The following CC2D1B variants were observed in gnomAD, a reference collection of about 807,000 sequenced individuals.
The protein encoded by CC2D1B is coiled-coil and C2 domain containing 1B, also known as coiled-coil and C2 domain-containing protein 1B.
CC2D1B carries 92 observed loss-of-function variants against 110.8 expected under a neutral mutation model. That is an observed-to-expected ratio of 0.83 (90% CI 0.70 to 0.99). CC2D1B has a LOEUF of 0.99. Among genes scored for constraint, CC2D1B ranks in the 50% least tolerant of loss-of-function variants. The pLI is 0.00. For synonymous variants in CC2D1B, 406 were observed against 429.2 expected, an observed-to-expected ratio of 0.95 and a Z score of 0.67; for missense variants, 1,136 against 1,089.0, an observed-to-expected ratio of 1.04 and a Z score of -0.61.
chr1:52,355,044 G>T, intron 21 of CC2D1B, 105 bp from the exon 22 acceptor site: 1 of 889,008 alleles, frequency 1.1e-6, no homozygotes, highest in Non-Finnish European at 1.8e-6. Context: ...CTCTCCACCT[G>T]CATTTTGGGG....
chr1:52,356,421 G>C lies in CC2D1B; in HGVS notation c.1900C>G (p.Gln634Glu). 6.2e-7 allele frequency: 1 copy of C among 1,614,244 alleles called. No homozygotes were observed. The highest frequency in any genetic ancestry group is 8.5e-7 in the Non-Finnish European group (1 of 1,180,048). ...QQEKCLLFSK[Q>E]FMHQGNVAET... ...GCCACGTTGCCCTGGTGCATGAACT[G>C]CTTGGAGAACAGCAGGCACTTCTGA... Residue 634 changes from glutamine (Q) to glutamate (E), a missense_variant, in exon 17 of 25, where the codon CAG becomes GAG. Coordinates refer to ENST00000284376, the MANE Select transcript of CC2D1B (RefSeq NM_001330585.2).
At chr1:52,360,666 C>T in intron 5 of CC2D1B, 117 bp from the exon 6 acceptor site, 1 of 1,442,592 alleles carries the variant, frequency 6.9e-7, no homozygotes, top group Non-Finnish European at 9.3e-7. Flanking sequence ...AAAGAAGAGC[C>T]TAAAAGCCTT....
chr1:52,357,137 C>T lies in CC2D1B; in HGVS notation c.1753-11G>A. 6.2e-7 allele frequency: 1 copy of T among 1,613,750 alleles called. No individual in the cohort carries two copies. Among genetic ancestry groups the T allele is most frequent in the Non-Finnish European group, 8.5e-7 (1 of 1,179,920 alleles). On this transcript the variant is annotated splice_polypyrimidine_tract_variant and intron_variant, in intron 15 of 24. Coordinates refer to ENST00000284376, the MANE Select transcript of CC2D1B (RefSeq NM_001330585.2). ...CAAGGGCGAAGGCACCTACCCAGGT[C>T]ACAAGGCCCCTCGGGCCCCAAGAGT...
At chr1:52,359,216 G>T (rs1195366384) in intron 10 of CC2D1B, 34 bp downstream of exon 10, 2 of 1,610,888 alleles carry the variant, frequency 1.2e-6, no homozygotes, top group Non-Finnish European at 1.7e-6. Flanking sequence ...ATGCCTGCAG[G>T]TCCCCACGCC....
chr1:52,354,962 G>A (rs749169417), intron 21 of CC2D1B, 23 bp from the exon 22 acceptor site: 22 of 1,584,136 alleles, frequency 1.4e-5, no homozygotes, highest in Admixed American at 1.7e-5. Context: ...GAGAAAGCAA[G>A]GAGGGGCTTG....
At chr1:52,358,273 G>A (rs967759045) in intron 13 of CC2D1B, 58 bp downstream of exon 13, 4 of 1,584,108 alleles carry the variant, frequency 2.5e-6, no homozygotes, top group African/African-American at 2.7e-5. Flanking sequence ...CAGGGTCTGG[G>A]TTTACCCCTC....
intron 3 of CC2D1B, 43 bp downstream of exon 3, chr1:52,362,559 C>T: frequency 6.2e-7 from 1 of 1,612,308 alleles, no homozygotes; most frequent in South Asian, 1.1e-5. Context: ...AGCCTGTGCC[C>T]ATCTTGTCCC....
intron 23 of CC2D1B, chr1:52,354,385 A>C (rs1160916110): frequency 1.4e-6 from 1 of 694,620 alleles, no homozygotes; most frequent in Non-Finnish European, 2.6e-6. Flanking sequence ...CATTGAGTTC[A>C]TGGAAACAAG....
In CC2D1B at chr1:52,358,351, C is replaced by A; in HGVS notation, c.1441G>T (p.Ala481Ser). Residue 481 changes from alanine to serine, a missense_variant, in exon 13 of 25, where the codon GCT (alanine) becomes TCT (serine). By Grantham distance (99) the Ala-to-Ser change is moderately conservative. Transcript: ENST00000284376. ...CAAACCTCGTCCTCGTCTTTATCAG[C>A]CGGGGCTGAATCCTCTGCAGAGGCC... ...KLASAEDSAPADKDEDEGEPP... is the reference protein window; with the variant it reads ...KLASAEDSAPSDKDEDEGEPP... 6.2e-7 allele frequency: 1 copy of A among 1,614,040 alleles called. No individual in the cohort carries two copies. The highest frequency in any genetic ancestry group is 8.5e-7 in the Non-Finnish European group (1 of 1,179,972).
At chr1:52,353,485 G>C (rs776801789) in intron 24 of CC2D1B, 33 bp downstream of exon 24, 4 of 1,584,496 alleles carry the variant, frequency 2.5e-6, no homozygotes, top group Non-Finnish European at 1.7e-6. Context: ...AAAGGAGGGG[G>C]CAAAGGTTCT....
At chr1:52,361,337 G>T in intron 4 of CC2D1B, 176 bp downstream of exon 4, 1 of 1,248,830 alleles carries the variant, frequency 8.0e-7, no homozygotes, top group Non-Finnish European at 1.1e-6. Flanking sequence ...ATCCCCAACT[G>T]CAGAGCTTAG....
At chr1:52,357,414 C>G in intron 15 of CC2D1B, 112 bp downstream of exon 15, 1 of 1,178,670 alleles carries the variant, frequency 8.5e-7, no homozygotes, top group South Asian at 1.5e-5. Context: ...TGTCATCATG[C>G]TCTGTCCAAA....
chr1:52,355,064 C>T, intron 21 of CC2D1B, 125 bp from the exon 22 acceptor site: 1 of 774,806 alleles, frequency 1.3e-6, no homozygotes, highest in Non-Finnish European at 2.2e-6. Context: ...GTACTGCCTC[C>T]AAAGGGTGGT....
At chr1:52,354,060 C>T (rs993872570) in intron 23 of CC2D1B, among the ~76,000 whole-genome samples, 7 of 152,122 alleles carry the variant, frequency 4.6e-5, no homozygotes, top group African/African-American at 1.4e-4. Context: ...CCATTCACCA[C>T]GCTACTCCCT....
chr1:52,360,369 G>C (rs1471273400), intron 6 of CC2D1B, 55 bp downstream of exon 6: 2 of 1,600,954 alleles, frequency 1.2e-6, no homozygotes, highest in African/African-American at 2.7e-5. Flanking sequence ...ATCTCCACCA[G>C]CCGCCTTTCA....
chr1:52,362,442 G>A (rs780538444), intron 3 of CC2D1B, among the ~76,000 whole-genome samples, 160 bp downstream of exon 3: 2 of 152,208 alleles, frequency 1.3e-5, no homozygotes, highest in African/African-American at 2.4e-5. Flanking sequence ...CACAAGGTGG[G>A]GAAGCAGGGC....
chr1:52,355,401 G>A lies in CC2D1B; in HGVS notation c.2236C>T (p.Pro746Ser), dbSNP rs760131080. The change falls in exon 21 of 25, where the codon CCA becomes TCA. Residue 746 changes from proline to serine, a missense_variant. Coordinates refer to ENST00000284376, the MANE Select transcript of CC2D1B (RefSeq NM_001330585.2). Reference sequence around the variant, plus strand: ...GAGGCCCACGTGTGGCCCTCACCTGGAGAGTTTGTGTTCTTCACCACAGCT... The same window carrying A: ...GAGGCCCACGTGTGGCCCTCACCTGAAGAGTTTGTGTTCTTCACCACAGCT... ...KTAVVKNTNSPEFDQLFKLNI... is the reference protein window; with the variant it reads ...KTAVVKNTNSSEFDQLFKLNI... 1 of 1,614,058 alleles carries A rather than the reference G, an allele frequency of 6.2e-7. No homozygotes were observed.
chr1:52,353,807 A>G (rs1646580713), intron 23 of CC2D1B, 160 bp from the exon 24 acceptor site: 2 of 572,428 alleles, frequency 3.5e-6, no homozygotes, highest in Non-Finnish European at 3.1e-6. Flanking sequence ...CAGTATTTGG[A>G]GGAGGAGGTG....
chr1:52,362,638 G>C lies in CC2D1B; in HGVS notation c.178C>G (p.Gln60Glu), dbSNP rs746760010. 1 of 1,614,156 alleles carries C rather than the reference G, an allele frequency of 6.2e-7. No individual in the cohort carries two copies. The highest frequency in any genetic ancestry group is 8.5e-7 in the Non-Finnish European group (1 of 1,180,028). Residue 60 changes from glutamine (Q) to glutamate (E), a missense_variant, in exon 3 of 25, where the codon CAA becomes GAA. By Grantham distance (29) the Gln-to-Glu change is conservative. Transcript: ENST00000284376. Reference sequence around the variant, plus strand: ...GGTGCTGGCTTCTTGCCTGTGGTTTGTGCTTCCCCTGTGAGAGCCAGCAGC... The same window carrying C: ...GGTGCTGGCTTCTTGCCTGTGGTTTCTGCTTCCCCTGTGAGAGCCAGCAGC... The part of the protein sequence containing the change: ...AELLALTGEA[Q>E]TTGKKPAPKG...
Sources: allele counts gnomAD v4.1 joint callset (sites outside exome capture counted in the v4.1 genomes callset), GRCh38; gene constraint gnomAD v4.1.1; transcripts MANE v1.5; gene names NCBI Gene and HGNC (gene_info 2026-07-23, HGNC 2026-07-21).